The following PLCL2 variants were observed in gnomAD, a reference collection of about 807,000 sequenced individuals.
The protein encoded by PLCL2 is inactive phospholipase C-like protein 2.
A neutral mutation model predicts 79.6 loss-of-function variants in PLCL2; 4 were observed. The observed-to-expected ratio is 0.05, with a 90% CI of 0.02 to 0.11. The LOEUF (loss-of-function observed/expected upper bound fraction) is 0.11, where lower values mean the gene tolerates loss of function less well. Ranked by LOEUF, PLCL2 falls within the 10% of genes least tolerant of loss-of-function variation. PLCL2 has a pLI of 1.00. For missense variants in PLCL2, 895 were observed against 1,291.0 expected (o/e 0.69, Z 4.70); for synonymous variants, 484 against 457.7 (o/e 1.06, Z -0.73).
intron 1 of PLCL2, among the ~76,000 whole-genome samples, chr3:16,945,068 A>AT (rs1443741112): frequency 6.6e-6 from 1 of 152,014 alleles, no homozygotes; most frequent in African/African-American, 2.4e-5. Context: ...CCTATTCCAG[A>AT]TTTTTTTAAA....
Position 16,896,695 on chromosome 3 carries a change from C to T in PLCL2, c.327+11329C>T, listed in dbSNP as rs139335901. Reference sequence around the variant, plus strand: ...GACAAAATGGAGAGTTGTTTGATCACTGCTAAGTAATAGCATACCTAGGAT... The same window carrying T: ...GACAAAATGGAGAGTTGTTTGATCATTGCTAAGTAATAGCATACCTAGGAT... On this transcript the variant is annotated intron_variant, in intron 1 of 5. Transcript: ENST00000615277. Among the ~76,000 whole-genome samples the T allele has an allele frequency of 7.8e-3, 1,182 of 152,254 alleles. 17 individuals are homozygous for T. Among genetic ancestry groups the T allele is most frequent in the African/African-American group, 0.027 (1,105 of 41,542 alleles).
chr3:17,010,322 G>A lies in PLCL2; in HGVS notation c.976G>A (p.Val326Ile), dbSNP rs763497965. 1 of 1,614,058 alleles carries A rather than the reference G, an allele frequency of 6.2e-7. No individual in the cohort carries two copies. Among genetic ancestry groups the A allele is most frequent in the African/African-American group, 1.3e-5 (1 of 75,030 alleles). Residue 326 changes from valine to isoleucine, a missense_variant, in exon 2 of 6, where the codon GTC becomes ATC. By Grantham distance (29) the Val-to-Ile change is conservative. Coordinates refer to ENST00000615277, the MANE Select transcript of PLCL2 (RefSeq NM_001144382.2). This position sits in a 1 kb window ranked among gnomAD's most constrained non-coding sequence, Gnocchi z 5.8. ...HKSKDKAGTE[V>I]TKEEFIEVFH... ...ATCAAAGGACAAAGCTGGTACCGAG[G>A]TCACAAAGGAAGAATTTATTGAGGT...
intron 1 of PLCL2, among the ~76,000 whole-genome samples, chr3:16,978,151 C>A (rs967523427): frequency 6.6e-6 from 1 of 152,198 alleles, no homozygotes; most frequent in Non-Finnish European, 1.5e-5. Flanking sequence ...GCTGATTACC[C>A]AGTTTCTGGA....
At chr3:16,892,485 C>T (rs1444921000) in intron 1 of PLCL2, among the ~76,000 whole-genome samples, 1 of 152,142 alleles carries the variant, frequency 6.6e-6, no homozygotes, top group African/African-American at 2.4e-5. Context: ...GTAGTTTTTG[C>T]TCAGTTGTTG....
At chr3:17,059,578 A>T (rs564330313) in intron 4 of PLCL2, among the ~76,000 whole-genome samples, 1 of 152,072 alleles carries the variant, frequency 6.6e-6, no homozygotes, top group East Asian at 1.9e-4. Context: ...TTACATGCAT[A>T]TATAGATATA....
At chr3:16,892,190 T>A (rs576242242) in intron 1 of PLCL2, among the ~76,000 whole-genome samples, 1 of 152,238 alleles carries the variant, frequency 6.6e-6, no homozygotes, top group African/African-American at 2.4e-5. Context: ...CTCAGTGGGA[T>A]GTGTGCTTCA....
chr3:16,924,098 T>TCC (rs1697189200), intron 1 of PLCL2, among the ~76,000 whole-genome samples: 1 of 152,214 alleles, frequency 6.6e-6, no homozygotes. Flanking sequence ...GATTAGTACA[T>TCC]CCAATGTGTG....
intron 4 of PLCL2, among the ~76,000 whole-genome samples, chr3:17,066,374 G>T (rs887836157): frequency 6.6e-6 from 1 of 152,134 alleles, no homozygotes. Context: ...GAAGTAAAAA[G>T]CCTAAATTGG....
chr3:16,904,901 T>C (rs1000026772), intron 1 of PLCL2, among the ~76,000 whole-genome samples: 2 of 152,162 alleles, frequency 1.3e-5, no homozygotes, highest in Non-Finnish European at 2.9e-5. Context: ...TCTGCCATGA[T>C]TGTAAGTTTC....
Position 17,012,068 on chromosome 3 carries a change from T to C in PLCL2, c.2722T>C (p.Leu908=), listed in dbSNP as rs751766673. The C allele has an allele frequency of 1.2e-5, 19 of 1,614,162 alleles. No homozygotes were observed. In the South Asian group the frequency reaches 2.1e-4, roughly 18 times the overall value. Residue 908 remains leucine (L), a synonymous_variant, in exon 2 of 6, where the codon TTG becomes CTG. Transcript: ENST00000615277. ...KGKKSREYAS[L]RTLWIKTVDE... Reference sequence around the variant, plus strand: ...GAAGAAATCCAGGGAATATGCATCTTTGAGAACACTGTGGATTAAAACCGT... The same window carrying C: ...GAAGAAATCCAGGGAATATGCATCTCTGAGAACACTGTGGATTAAAACCGT...
At chr3:16,902,733 A>G (rs1401384235) in intron 1 of PLCL2, among the ~76,000 whole-genome samples, 1 of 151,500 alleles carries the variant, frequency 6.6e-6, no homozygotes, top group Non-Finnish European at 1.5e-5. Context: ...AGGCTGAGGC[A>G]GGAGAATCGC....
rs1019937416 is a variant in PLCL2 at position 17,046,320 on chromosome 3, A to G, written c.3094+3371A>G. ...GGGCCAAAGTCTTTTCCACTTTCTA[A>G]TATCAGGGCCAAAGTCTTTTCCGCT... On this transcript the variant is annotated intron_variant, in intron 4 of 5. Coordinates refer to ENST00000615277, the MANE Select transcript of PLCL2 (RefSeq NM_001144382.2). 2.7e-4 allele frequency among the ~76,000 whole-genome samples: 41 copies of G among 152,178 alleles called. 1 individual carries two copies. Among genetic ancestry groups the G allele is most frequent in the Admixed American group, 2.2e-3 (34 of 15,278 alleles).
chr3:17,083,577 A>C (rs2065185942), intron 5 of PLCL2, among the ~76,000 whole-genome samples: 1 of 152,244 alleles, frequency 6.6e-6, no homozygotes, highest in African/African-American at 2.4e-5. Context: ...TCTGGCTGTC[A>C]CGTTGAACAT....
At chr3:16,952,360 CAAAAAAAAAAAAAAAAAA>C (rs35421244) in intron 1 of PLCL2, among the ~76,000 whole-genome samples, 1 of 22,616 alleles carries the variant, frequency 4.4e-5, no homozygotes, top group African/African-American at 1.8e-4. Flanking sequence ...GAACTTAAAG[CAAAAAAAAAAAAAAAAAA>C]AAAAAAAAAA....
chr3:16,994,034 A>T (rs1239754859), intron 1 of PLCL2, among the ~76,000 whole-genome samples: 1 of 152,228 alleles, frequency 6.6e-6, no homozygotes, highest in Non-Finnish European at 1.5e-5. Flanking sequence ...AACAGCAGTG[A>T]GGCCTGGTAA....
In PLCL2 at chr3:17,089,861, C is replaced by A; in HGVS notation, c.3333C>A (p.Arg1111=). 6.2e-7 allele frequency: 1 copy of A among 1,613,828 alleles called. No individual in the cohort carries two copies. Among genetic ancestry groups the A allele is most frequent in the Non-Finnish European group, 8.5e-7 (1 of 1,179,902 alleles). ...GTENADVQKP[R]RSLEVIPEKA... ...AAAATGCTGATGTCCAGAAGCCACG[C>A]CGGAGCTTGGAAGTCATACCCGAAA... The change falls in exon 6 of 6, where the codon CGC becomes CGA. Residue 1111 remains arginine, a synonymous_variant. Coordinates refer to ENST00000615277, the MANE Select transcript of PLCL2 (RefSeq NM_001144382.2).
chr3:17,028,645 TTTG>T (rs1408540681), intron 3 of PLCL2, among the ~76,000 whole-genome samples: 1 of 151,790 alleles, frequency 6.6e-6, no homozygotes, highest in African/African-American at 2.4e-5. Context: ...CCCGGCTCAT[TTTG>T]TTGTTTTGTT....
chr3:17,045,334 G>A (rs2064769350), intron 4 of PLCL2, among the ~76,000 whole-genome samples: 1 of 152,170 alleles, frequency 6.6e-6, no homozygotes, highest in Admixed American at 6.5e-5. Context: ...GAAATAAAGA[G>A]TCAGACATCC....
intron 1 of PLCL2, among the ~76,000 whole-genome samples, chr3:16,949,310 C>CT (rs2124957807): frequency 6.6e-6 from 1 of 152,304 alleles, no homozygotes; most frequent in Admixed American, 6.5e-5. Flanking sequence ...TCCCTACACA[C>CT]TTGCTAATGT....
Sources: allele counts gnomAD v4.1 joint callset (sites outside exome capture counted in the v4.1 genomes callset), GRCh38; gene constraint gnomAD v4.1.1; non-coding constraint Gnocchi (gnomAD v3.1); transcripts MANE v1.5; gene names NCBI Gene and HGNC (gene_info 2026-07-23, HGNC 2026-07-21).